The following ETV5 variants were observed in gnomAD, a reference collection of about 807,000 sequenced individuals.
The protein encoded by ETV5 is ETS translocation variant 5.
Under a neutral mutation model 70.0 loss-of-function variants are expected in ETV5, and 10 were observed. The ratio of observed to expected loss-of-function variants is 0.14; its 90% CI spans 0.09 to 0.24. ETV5 has a LOEUF of 0.24. ETV5 is among the 10% of genes least tolerant of loss of function. ETV5 has a pLI of 1.00. For synonymous variants in ETV5, 216 were observed against 242.2 expected (o/e 0.89, Z 1.01); for missense variants, 453 against 651.2 (o/e 0.70, Z 3.31).
rs537508522 is a variant in ETV5 at position 186,088,678 on chromosome 3, C to T, written c.233-7503G>A. ...CAAGAAGAGGGACATGGAAAAATAA[C>T]AAGGACACTGGCAAAACAGAACCGA... On this transcript the variant is annotated intron_variant, in intron 5 of 12. Coordinates refer to ENST00000306376, the MANE Select transcript of ETV5 (RefSeq NM_004454.3). 3.3e-5 allele frequency among the ~76,000 whole-genome samples: 5 copies of T among 152,284 alleles called. No homozygotes were observed. The East Asian group carries it at 9.6e-4, about 29-fold the overall frequency.
chr3:186,046,475 A>C lies in ETV5; in HGVS notation c.*2164T>G. 1 of 231,462 alleles carries C rather than the reference A, an allele frequency of 4.3e-6. No individual in the cohort carries two copies. The highest frequency in any genetic ancestry group is 6.1e-5 in the East Asian group (1 of 16,290). 14.3% of individuals were successfully genotyped at this position (231,462 alleles called of 1,614,324 possible). ...ACTTTCCACACTCTGGAAAAGAAGCAAACAAACAAACCCCAAAGAACCCCC... is the reference window on the plus strand; with the variant it reads ...ACTTTCCACACTCTGGAAAAGAAGCCAACAAACAAACCCCAAAGAACCCCC... On this transcript the variant is annotated 3_prime_UTR_variant, in exon 13 of 13. Coordinates refer to ENST00000306376, the MANE Select transcript of ETV5 (RefSeq NM_004454.3).
At position 186,054,645 on chromosome 3, in the gene ETV5, G is replaced by C. The variant is rs1442916208; in HGVS notation, c.1209+2430C>G. On this transcript the variant is annotated intron_variant, in intron 11 of 12. Transcript: ENST00000306376. This position sits in a 1 kb window ranked among gnomAD's most constrained non-coding sequence, Gnocchi z 4.4. ...AATGGATATTATGGATAATTACCCA[G>C]AGTGCACTACTCAGCCACACAGCTG... Among the ~76,000 whole-genome samples the C allele has an allele frequency of 6.6e-6, 1 of 152,100 alleles. No homozygotes were observed. The highest frequency in any genetic ancestry group is 2.4e-5 in the African/African-American group (1 of 41,382).
intron 7 of ETV5, chr3:186,079,096 T>C (rs1459687917): frequency 3.7e-5 from 39 of 1,063,450 alleles, no homozygotes; most frequent in South Asian, 4.6e-5. Flanking sequence ...CCAGAGAAAC[T>C]TGAAATAAAG....
At chr3:186,049,116 T>C (rs1712957881) in intron 12 of ETV5, among the ~76,000 whole-genome samples, 1 of 152,008 alleles carries the variant, frequency 6.6e-6, no homozygotes, top group African/African-American at 2.4e-5. Context: ...ATCTTCACTT[T>C]CTGTCTTCCA....
Position 186,048,864 on chromosome 3 carries a change from C to G in ETV5, c.1312-4G>C. ...AGACGTATCGCTCTCCAGCCACCTG[C>G]GGGAGAACACACACCTTACAGGGCC... On this transcript the variant is annotated splice_region_variant and splice_polypyrimidine_tract_variant and intron_variant, in intron 12 of 12. Transcript: ENST00000306376. The G allele has an allele frequency of 1.9e-6, 3 of 1,612,266 alleles. No homozygotes were observed. The highest frequency in any genetic ancestry group is 1.7e-6 in the Non-Finnish European group (2 of 1,178,952).
chr3:186,104,791 G>T (rs1433170687), intron 5 of ETV5: 2 of 149,720 alleles, frequency 1.3e-5, no homozygotes, highest in Non-Finnish European at 2.9e-5. Context: ...GCCCAGGCTG[G>T]AGTGCAGTGA....
intron 5 of ETV5, among the ~76,000 whole-genome samples, chr3:186,092,488 C>G (rs1330733540): frequency 1.3e-5 from 2 of 152,102 alleles, no homozygotes; most frequent in Non-Finnish European, 2.9e-5. Context: ...GGCTAGAGAG[C>G]AATGGCGCAA....
At chr3:186,066,140 G>A in intron 7 of ETV5, 68 bp from the exon 8 acceptor site, 2 of 1,377,248 alleles carry the variant, frequency 1.5e-6, no homozygotes, top group East Asian at 2.5e-5. Flanking sequence ...TTGAGCACTG[G>A]GGACTAGAAG....
intron 5 of ETV5, among the ~76,000 whole-genome samples, chr3:186,103,620 AACACACACACACACACACACACAC>A (rs10534124): frequency 1.3e-4 from 18 of 142,898 alleles, no homozygotes; most frequent in East Asian, 8.0e-4. Context: ...TCATCTTGCA[AACACACACACACACACACACACAC>A]ACACACACAC....
intron 5 of ETV5, among the ~76,000 whole-genome samples, chr3:186,083,789 AC>A (rs1384349699): frequency 6.6e-6 from 1 of 152,244 alleles, no homozygotes; most frequent in Non-Finnish European, 1.5e-5. Context: ...AAGGCTGGGT[AC>A]AATGTTAGTT....
In ETV5 at chr3:186,065,953, G is replaced by A. The variant is rs559195466; in HGVS notation, c.770C>T (p.Pro257Leu). ...TTCTTGTTTGAATCCCTGAGGGGGC[G>A]GGGGAGCTGCAGGGACAATAGGTTC... is the stretch of plus-strand genomic sequence containing the variant. ...MSEPIVPAAP[P>L]PPQGFKQEYH... Residue 257 changes from proline to leucine, a missense_variant, in exon 8 of 13, where the codon CCG (proline) becomes CTG (leucine). Pro to Leu is a moderately conservative substitution (Grantham distance 98). Coordinates refer to ENST00000306376, the MANE Select transcript of ETV5 (RefSeq NM_004454.3). The A allele has an allele frequency of 3.7e-6, 6 of 1,611,664 alleles. No homozygotes were observed. The highest frequency in any genetic ancestry group is 2.2e-5 in the East Asian group (1 of 44,764).
At chr3:186,069,119 C>T (rs1475652368) in intron 7 of ETV5, among the ~76,000 whole-genome samples, 3 of 151,660 alleles carry the variant, frequency 2.0e-5, no homozygotes, top group Admixed American at 6.6e-5. Context: ...ACAGATAGAA[C>T]ACTGTTTACA....
At chr3:186,071,006 GCTTTTT>G (rs1466897567) in intron 7 of ETV5, among the ~76,000 whole-genome samples, 8 of 152,212 alleles carry the variant, frequency 5.3e-5, no homozygotes, top group Admixed American at 5.2e-4. Flanking sequence ...ACAGTTTAAG[GCTTTTT>G]CGGTGCCAGT....
Position 186,105,871 on chromosome 3 carries a change from T to C in ETV5, c.-3A>G. The C allele has an allele frequency of 1.2e-6, 2 of 1,614,006 alleles. No homozygotes were observed. The highest frequency in any genetic ancestry group is 1.7e-6 in the Non-Finnish European group (2 of 1,179,954). On this transcript the variant is annotated 5_prime_UTR_variant, in exon 2 of 13. Transcript: ENST00000306376. This position sits in a 1 kb window ranked among gnomAD's most constrained non-coding sequence, Gnocchi z 4.5. ...TGCTGATCATAAAACCCGTCCATGG[T>C]GCTTTCAGCGTCTCTAATACCACTT...
At chr3:186,094,909 C>T (rs989895020) in intron 5 of ETV5, among the ~76,000 whole-genome samples, 3 of 152,100 alleles carry the variant, frequency 2.0e-5, no homozygotes, top group Admixed American at 1.3e-4. Flanking sequence ...TGCACCGCCC[C>T]CTTTCGACTA....
intron 5 of ETV5, among the ~76,000 whole-genome samples, chr3:186,083,733 T>C (rs926458239): frequency 7.9e-5 from 12 of 152,234 alleles, no homozygotes; most frequent in African/African-American, 2.9e-4. Flanking sequence ...GGATTATATT[T>C]CCAATTTGTT....
chr3:186,058,185 G>A (rs1713213628), intron 9 of ETV5, among the ~76,000 whole-genome samples: 2 of 150,884 alleles, frequency 1.3e-5, no homozygotes, highest in South Asian at 4.2e-4. Context: ...AAGGCAAAAA[G>A]TTAAAGGGCT....
intron 7 of ETV5, among the ~76,000 whole-genome samples, chr3:186,078,514 T>C (rs1713851922): frequency 6.6e-6 from 1 of 152,182 alleles, no homozygotes; most frequent in South Asian, 2.1e-4. Flanking sequence ...TTGTTTTTAA[T>C]TTGAATTAGT....
chr3:186,097,255 C>T (rs1714327647), intron 5 of ETV5, among the ~76,000 whole-genome samples: 1 of 152,034 alleles, frequency 6.6e-6, no homozygotes, highest in Non-Finnish European at 1.5e-5. Context: ...AGTTTGAGTA[C>T]GGTCGTTTAA....
Sources: gnomAD v4.1 joint callset for allele counts (sites outside exome capture counted in the v4.1 genomes callset) on GRCh38, gnomAD v4.1.1 for gene constraint, Gnocchi (gnomAD v3.1) non-coding constraint, MANE v1.5 for transcripts, NCBI Gene and HGNC (gene_info 2026-07-23, HGNC 2026-07-21) for gene names.